The following TRHDE variants were observed in gnomAD, a reference collection of about 807,000 sequenced individuals.
TRHDE encodes thyrotropin releasing hormone degrading enzyme.
TRHDE carries 72 observed loss-of-function variants against 125.7 expected under a neutral mutation model. The ratio of observed to expected loss-of-function variants is 0.57; its 90% CI spans 0.47 to 0.70. The LOEUF (loss-of-function observed/expected upper bound fraction) is 0.70. Ranked by LOEUF, TRHDE falls within the 30% of genes least tolerant of loss-of-function variation. The pLI is 0.00. For synonymous variants in TRHDE, 509 were observed against 509.1 expected, an observed-to-expected ratio of 1.00 and a Z score of 0.00; for missense variants, 1,110 against 1,327.1, an observed-to-expected ratio of 0.84 and a Z score of 2.54.
intron 15 of TRHDE, among the ~76,000 whole-genome samples, chr12:72,631,436 T>G (rs1185063806): frequency 6.6e-6 from 1 of 151,878 alleles, no homozygotes; most frequent in Non-Finnish European, 1.5e-5. Context: ...GATTCTTAAC[T>G]ATTTAAGTGA....
rs367700732 is a variant in TRHDE at position 72,511,802 on chromosome 12, G to A, written c.1722+12167G>A. On this transcript the variant is annotated intron_variant, in intron 6 of 18. Coordinates refer to ENST00000261180, the MANE Select transcript of TRHDE (RefSeq NM_013381.3). ...CAGCTAGTTTTCATACTAGAAACTT[G>A]CACTTCTCCCCATTATATGTCCATC... 8.5e-5 allele frequency among the ~76,000 whole-genome samples: 13 copies of A among 152,156 alleles called. No homozygotes were observed. The East Asian group carries it at 1.3e-3, about 16-fold the overall frequency.
At chr12:72,609,316 A>G (rs559434016) in intron 12 of TRHDE, among the ~76,000 whole-genome samples, 3 of 152,238 alleles carry the variant, frequency 2.0e-5, no homozygotes, top group African/African-American at 7.2e-5. Flanking sequence ...TATAACCACA[A>G]TATTTAACAA....
chr12:72,537,663 C>CT (rs1868934139), intron 6 of TRHDE, among the ~76,000 whole-genome samples: 1 of 152,068 alleles, frequency 6.6e-6, no homozygotes, highest in Non-Finnish European at 1.5e-5. Flanking sequence ...TCTTAAACTC[C>CT]TAATTACGTT....
rs1592604312 is a variant in TRHDE, at chr12:72,665,917, C to T, written c.*2722C>T. 6.6e-6 allele frequency: 1 copy of T among 152,060 alleles called. No homozygotes were observed. The highest frequency in any genetic ancestry group is 1.9e-4 in the East Asian group (1 of 5,162). The allele number at this position is 152,060 out of a possible 1,614,324, so 9.4% of individuals were successfully genotyped here. A position where few individuals can be genotyped will look rare whatever the true frequency, so the allele number is the denominator to read the frequency against. On this transcript the variant is annotated 3_prime_UTR_variant, in exon 19 of 19. Coordinates refer to ENST00000261180, the MANE Select transcript of TRHDE (RefSeq NM_013381.3). ...AGTTTCTAAAATACACAATCTCAAC[C>T]TCTAAGACTAACATCTACAATACTA...
intron 12 of TRHDE, among the ~76,000 whole-genome samples, chr12:72,594,070 A>G: frequency 6.6e-6 from 1 of 152,130 alleles, no homozygotes; most frequent in Non-Finnish European, 1.5e-5. Context: ...TTCTAGTTCT[A>G]GATCTTTGAG....
intron 2 of TRHDE, chr12:72,162,908 T>G (rs1435592812): frequency 6.6e-6 from 1 of 151,490 alleles, no homozygotes; most frequent in African/African-American, 2.4e-5. Flanking sequence ...GGTGGGTTTT[T>G]TTTTTTTTTT....
chr12:72,505,908 A>G (rs1373729576), intron 6 of TRHDE, among the ~76,000 whole-genome samples: 1 of 152,172 alleles, frequency 6.6e-6, no homozygotes, highest in Admixed American at 6.5e-5. Flanking sequence ...ACATCATGTC[A>G]GTCAGATGAT....
intron 1 of TRHDE, among the ~76,000 whole-genome samples, chr12:72,098,466 C>G (rs927674943): frequency 9.9e-5 from 15 of 151,892 alleles, no homozygotes; most frequent in Non-Finnish European, 1.9e-4. Context: ...TTTCTTCTAT[C>G]CAAAGTGCAT....
intron 2 of TRHDE, among the ~76,000 whole-genome samples, chr12:72,155,810 G>T (rs1277150983): frequency 2.6e-5 from 4 of 152,180 alleles, no homozygotes; most frequent in African/African-American, 9.7e-5. Flanking sequence ...CTACTGGGGG[G>T]TGCCTCCCAG....
At chr12:72,446,018 C>A (rs1454090905) in intron 3 of TRHDE, among the ~76,000 whole-genome samples, 1 of 151,800 alleles carries the variant, frequency 6.6e-6, no homozygotes, top group Non-Finnish European at 1.5e-5. Flanking sequence ...TTCTCCTTGT[C>A]CCAGTAGACT....
chr12:72,575,123 T>C, intron 10 of TRHDE, 132 bp from the exon 11 acceptor site: 2 of 820,526 alleles, frequency 2.4e-6, no homozygotes, highest in Non-Finnish European at 1.9e-6. Context: ...AATTAAAGAG[T>C]AGGCTTCAAT....
At chr12:72,218,968 A>G (rs1158730738) in intron 2 of TRHDE, among the ~76,000 whole-genome samples, 1 of 152,164 alleles carries the variant, frequency 6.6e-6, no homozygotes, top group East Asian at 1.9e-4. Flanking sequence ...TAGTTTCACA[A>G]ATTGGTCAAG....
rs541968383 is a variant in TRHDE at position 72,522,369 on chromosome 12, T to C, written c.1723-19922T>C. On this transcript the variant is annotated intron_variant, in intron 6 of 18. Coordinates refer to ENST00000261180, the MANE Select transcript of TRHDE (RefSeq NM_013381.3). ...TAAATTAAAGTTTTTAGAAACATCC[T>C]AGTTATCACCTAGTGCAGTGACTGG... 8.5e-5 allele frequency among the ~76,000 whole-genome samples: 13 copies of C among 152,330 alleles called. No individual in the cohort carries two copies. In the East Asian group the frequency reaches 2.5e-3, roughly 29 times the overall value.
chr12:72,657,213 G>C (rs973750834), intron 18 of TRHDE, among the ~76,000 whole-genome samples: 2 of 152,016 alleles, frequency 1.3e-5, no homozygotes, highest in Non-Finnish European at 2.9e-5. Context: ...AGGCCTGCAA[G>C]GAATGTTTGA....
chr12:72,587,683 TTGG>T (rs1326138617), intron 12 of TRHDE, among the ~76,000 whole-genome samples: 1 of 152,106 alleles, frequency 6.6e-6, no homozygotes, highest in African/African-American at 2.4e-5. Context: ...AGTGATTTTC[TTGG>T]TGGAATAAAG....
chr12:72,467,162 C>T (rs1342708814), intron 3 of TRHDE, among the ~76,000 whole-genome samples: 2 of 152,108 alleles, frequency 1.3e-5, no homozygotes, highest in Non-Finnish European at 2.9e-5. Flanking sequence ...ATACATGTGC[C>T]ATGTTGGTGT....
chr12:72,296,946 A>G (rs1247373983), intron 2 of TRHDE, among the ~76,000 whole-genome samples: 1 of 152,142 alleles, frequency 6.6e-6, no homozygotes, highest in Non-Finnish European at 1.5e-5. Flanking sequence ...GCTTTAGATT[A>G]TGGGAGAGCT....
intron 2 of TRHDE, among the ~76,000 whole-genome samples, chr12:72,359,373 C>T (rs1329184168): frequency 6.6e-6 from 1 of 151,600 alleles, no homozygotes; most frequent in Non-Finnish European, 1.5e-5. Flanking sequence ...TCTTTCATGG[C>T]TCCTATTTGG....
chr12:72,122,928 A>C (rs1368392910), intron 2 of TRHDE, among the ~76,000 whole-genome samples: 1 of 152,174 alleles, frequency 6.6e-6, no homozygotes, highest in Non-Finnish European at 1.5e-5. Flanking sequence ...GAAGACAAAA[A>C]AAGTGAAAGC....
Sources: allele counts gnomAD v4.1 joint callset (sites outside exome capture counted in the v4.1 genomes callset), GRCh38; gene constraint gnomAD v4.1.1; transcripts MANE v1.5; gene names NCBI Gene and HGNC (gene_info 2026-07-23, HGNC 2026-07-21).